Variants in RALYL observed in about 807,000 individuals in gnomAD.
RALYL encodes the protein RNA-binding Raly-like protein.
Under a neutral mutation model 35.1 loss-of-function variants are expected in RALYL, and 29 were observed. The ratio of observed to expected loss-of-function variants is 0.83; its 90% CI spans 0.61 to 1.13. The LOEUF is 1.13. RALYL is among the 50% of genes most tolerant of loss of function. The pLI is 0.00. For missense variants in RALYL, 359 were observed against 360.4 expected, an observed-to-expected ratio of 1.00 and a Z score of 0.03; for synonymous variants, 120 against 127.6, an observed-to-expected ratio of 0.94 and a Z score of 0.40.
At chr8:84,692,946 C>T (rs116010769) in intron 2 of RALYL, among the ~76,000 whole-genome samples, 166 of 152,092 alleles carry the variant, frequency 1.1e-3, no homozygotes, top group African/African-American at 3.8e-3. Flanking sequence ...GGTAGGTAGC[C>T]TCTAGAAGTT....
intron 2 of RALYL, among the ~76,000 whole-genome samples, chr8:84,617,206 G>C (rs997277606): frequency 6.6e-6 from 1 of 151,396 alleles, no homozygotes; most frequent in Non-Finnish European, 1.5e-5. Flanking sequence ...TCACGATATT[G>C]ATTGTTCCTA....
intron 1 of RALYL, among the ~76,000 whole-genome samples, chr8:84,393,526 G>A (rs1022238258): frequency 2.0e-5 from 3 of 152,014 alleles, no homozygotes; most frequent in African/African-American, 7.2e-5. Context: ...CCCAAGAAAA[G>A]GGAATTAACA....
intron 2 of RALYL, among the ~76,000 whole-genome samples, chr8:84,574,609 T>A (rs143580837): frequency 1.3e-5 from 2 of 152,130 alleles, no homozygotes; most frequent in African/African-American, 2.4e-5. Context: ...GGCAGAAAGC[T>A]TGGATGATAT....
intron 1 of RALYL, among the ~76,000 whole-genome samples, chr8:84,405,059 C>T (rs2043321985): frequency 6.6e-6 from 1 of 152,156 alleles, no homozygotes; most frequent in Non-Finnish European, 1.5e-5. Flanking sequence ...GATTAAGAAA[C>T]TCACTGAAAA....
intron 1 of RALYL, among the ~76,000 whole-genome samples, chr8:84,279,613 G>A (rs144304801): frequency 2.6e-5 from 4 of 152,228 alleles, no homozygotes; most frequent in African/African-American, 9.6e-5. Flanking sequence ...TAAAGTCAAG[G>A]TGTTAGTAGA....
At chr8:84,791,519 A>G (rs1011348995) in intron 3 of RALYL, among the ~76,000 whole-genome samples, 4 of 152,208 alleles carry the variant, frequency 2.6e-5, no homozygotes, top group African/African-American at 7.2e-5. Flanking sequence ...GAAGAGTACC[A>G]TGACAGAACT....
chr8:84,621,794 A>ATT (rs1322135606), intron 2 of RALYL, among the ~76,000 whole-genome samples: 99 of 152,322 alleles, frequency 6.5e-4, no homozygotes, highest in African/African-American at 2.1e-3. Context: ...CTAAATTCAG[A>ATT]CAGATTCTCA....
intron 1 of RALYL, among the ~76,000 whole-genome samples, chr8:84,352,406 T>G (rs1392327444): frequency 6.6e-6 from 1 of 150,450 alleles, no homozygotes; most frequent in Non-Finnish European, 1.5e-5. Flanking sequence ...AATCCCAACA[T>G]ACAGGGTTCA....
intron 2 of RALYL, among the ~76,000 whole-genome samples, chr8:84,651,156 G>T (rs1036261840): frequency 1.3e-5 from 2 of 151,734 alleles, no homozygotes; most frequent in African/African-American, 4.8e-5. Context: ...CACCAGCATG[G>T]CACATGTATG....
Position 84,633,201 on chromosome 8 carries a change from A to C in RALYL, c.256+103624A>C, listed in dbSNP as rs549917480. ...AAATCTCCATTTAATGTACTTTTCCAGTGGTATACTATGTTTGTATTATTC... is the reference window on the plus strand; with the variant it reads ...AAATCTCCATTTAATGTACTTTTCCCGTGGTATACTATGTTTGTATTATTC... On this transcript the variant is annotated intron_variant, in intron 2 of 8. Coordinates refer to ENST00000521268, the MANE Select transcript of RALYL (RefSeq NM_173848.7). Among the ~76,000 whole-genome samples the C allele has an allele frequency of 2.0e-5, 3 of 151,900 alleles. No individual in the cohort carries two copies. In the South Asian group the frequency reaches 6.2e-4, roughly 32 times the overall value.
intron 2 of RALYL, among the ~76,000 whole-genome samples, chr8:84,597,233 C>A (rs1018574528): frequency 6.6e-6 from 1 of 152,200 alleles, no homozygotes; most frequent in Non-Finnish European, 1.5e-5. Context: ...CCTCAAAATT[C>A]TCTGAATCTA....
At chr8:84,573,263 C>A (rs1808476559) in intron 2 of RALYL, among the ~76,000 whole-genome samples, 1 of 151,514 alleles carries the variant, frequency 6.6e-6, no homozygotes, top group South Asian at 2.1e-4. Context: ...CTGAAAAACA[C>A]CTTGCAGATC....
intron 1 of RALYL, among the ~76,000 whole-genome samples, chr8:84,234,169 C>T (rs1825973205): frequency 1.3e-5 from 2 of 152,132 alleles, no homozygotes; most frequent in African/African-American, 4.8e-5. Flanking sequence ...GGAAAAAAAT[C>T]CAGAGTTAAA....
intron 4 of RALYL, among the ~76,000 whole-genome samples, chr8:84,842,093 C>A (rs1249701057): frequency 2.0e-5 from 3 of 152,026 alleles, no homozygotes; most frequent in African/African-American, 7.2e-5. Context: ...CAAAAGCTAG[C>A]AAAAGGCAAG....
chr8:84,779,268 G>A (rs1817554726), intron 3 of RALYL, among the ~76,000 whole-genome samples: 1 of 152,202 alleles, frequency 6.6e-6, no homozygotes, highest in South Asian at 2.1e-4. Flanking sequence ...ATTGCTAAAT[G>A]AGAATAATTG....
intron 2 of RALYL, among the ~76,000 whole-genome samples, chr8:84,759,900 A>G (rs1233949211): frequency 6.6e-6 from 1 of 152,174 alleles, no homozygotes; most frequent in Non-Finnish European, 1.5e-5. Context: ...TTTTAAAAAC[A>G]TAGTCTAGAC....
At chr8:84,232,801 A>T (rs751833223) in intron 1 of RALYL, among the ~76,000 whole-genome samples, 7 of 152,150 alleles carry the variant, frequency 4.6e-5, no homozygotes, top group Admixed American at 6.6e-5. Flanking sequence ...TATTATATTA[A>T]TATCCTATAA....
rs112394457 is a variant in RALYL, at chr8:84,640,533, C to A, written c.256+110956C>A. Among the ~76,000 whole-genome samples the A allele has an allele frequency of 2.9e-3, 433 of 151,860 alleles. 1 individual carries two copies. Among genetic ancestry groups the A allele is most frequent in the African/African-American group, 9.8e-3 (405 of 41,448 alleles). ...GCATAAGAAGTTTTCTGATTACATT[C>A]AAAAATTTAGACATATCAAGAAAAG... On this transcript the variant is annotated intron_variant, in intron 2 of 8. Coordinates refer to ENST00000521268, the MANE Select transcript of RALYL (RefSeq NM_173848.7).
chr8:84,638,701 G>A (rs1365684183), intron 2 of RALYL, among the ~76,000 whole-genome samples: 3 of 150,784 alleles, frequency 2.0e-5, no homozygotes, highest in African/African-American at 7.3e-5. Flanking sequence ...ACCCTATGCA[G>A]TGTACAGTGG....
Sources: allele counts gnomAD v4.1 joint callset (sites outside exome capture counted in the v4.1 genomes callset), GRCh38; gene constraint gnomAD v4.1.1; transcripts MANE v1.5; gene names NCBI Gene and HGNC (gene_info 2026-07-23, HGNC 2026-07-21).